Variants in PTPRD observed in about 807,000 individuals in gnomAD.
PTPRD encodes protein tyrosine phosphatase receptor type D, also known as receptor-type tyrosine-protein phosphatase delta.
A neutral mutation model predicts 214.5 loss-of-function variants in PTPRD; 34 were observed. The observed-to-expected ratio is 0.16, with a 90% CI of 0.12 to 0.21. The LOEUF (loss-of-function observed/expected upper bound fraction) is 0.21. Ranked by LOEUF, PTPRD falls within the 10% of genes least tolerant of loss-of-function variation. PTPRD has a pLI of 1.00. For missense variants in PTPRD, 2,545 were observed against 2,398.7 expected (o/e 1.06, Z -1.27); for synonymous variants, 1,128 against 845.7 (o/e 1.33, Z -5.79).
intron 9 of PTPRD, among the ~76,000 whole-genome samples, chr9:9,247,098 C>T (rs2099973392): frequency 6.6e-6 from 1 of 152,034 alleles, no homozygotes; most frequent in Admixed American, 6.6e-5. Flanking sequence ...AAAAATGTCA[C>T]TCTAGCCTTC....
At chr9:9,495,248 C>T (rs2096119918) in intron 8 of PTPRD, among the ~76,000 whole-genome samples, 1 of 149,774 alleles carries the variant, frequency 6.7e-6, no homozygotes, top group Admixed American at 6.7e-5. Context: ...ATGATAGAAA[C>T]AGGCAGCAGA....
intron 11 of PTPRD, among the ~76,000 whole-genome samples, chr9:8,739,739 A>G (rs904360635): frequency 6.6e-6 from 1 of 152,198 alleles, no homozygotes; most frequent in African/African-American, 2.4e-5. Context: ...GTCCCCACCC[A>G]AATCTCATCT....
At chr9:9,978,833 C>T (rs894763293) in intron 4 of PTPRD, among the ~76,000 whole-genome samples, 2 of 151,964 alleles carry the variant, frequency 1.3e-5, no homozygotes, top group Non-Finnish European at 2.9e-5. Flanking sequence ...ACATCTCAGT[C>T]ACACTGATGA....
chr9:9,516,456 G>A (rs1387085012), intron 8 of PTPRD, among the ~76,000 whole-genome samples: 3 of 151,284 alleles, frequency 2.0e-5, no homozygotes, highest in African/African-American at 7.3e-5. Flanking sequence ...CCAACTTCAT[G>A]AGGAATATCA....
intron 5 of PTPRD, among the ~76,000 whole-genome samples, chr9:9,910,236 G>C (rs908386624): frequency 2.0e-5 from 3 of 151,970 alleles, no homozygotes; most frequent in Non-Finnish European, 2.9e-5. Context: ...TTGTATTATT[G>C]TAGAGTTTCA....
Position 10,417,916 on chromosome 9 carries a change from GT to G in PTPRD, c.-599-76900del, listed in dbSNP as rs545791714. On this transcript the variant is annotated intron_variant, in intron 2 of 45. Coordinates refer to ENST00000381196, the MANE Select transcript of PTPRD (RefSeq NM_002839.4). ...GGACTTCATTAAATGAATCTAGATG[GT>G]TTTTTTTTTAAGTTTTAAAACATTT... Among the ~76,000 whole-genome samples, 515 of 146,654 alleles carry G rather than the reference GT, an allele frequency of 3.5e-3. 2 individuals are homozygous for G. The highest frequency in any genetic ancestry group is 9.8e-3 in the African/African-American group (394 of 40,132).
intron 8 of PTPRD, among the ~76,000 whole-genome samples, chr9:9,546,092 T>A (rs1471904959): frequency 6.6e-6 from 1 of 151,838 alleles, no homozygotes; most frequent in African/African-American, 2.4e-5. Flanking sequence ...ACTTGTTTAT[T>A]TCTGGTATAT....
At chr9:9,340,798 A>G (rs898684710) in intron 9 of PTPRD, among the ~76,000 whole-genome samples, 1 of 152,238 alleles carries the variant, frequency 6.6e-6, no homozygotes, top group African/African-American at 2.4e-5. Flanking sequence ...ATTCACTTAA[A>G]AATAAATTTC....
chr9:9,083,124 A>G (rs192678635), intron 10 of PTPRD, among the ~76,000 whole-genome samples: 116 of 152,324 alleles, frequency 7.6e-4, no homozygotes, highest in African/African-American at 2.6e-3. Flanking sequence ...ACAAAGCCGG[A>G]GGCATCACAT....
intron 9 of PTPRD, among the ~76,000 whole-genome samples, chr9:9,385,099 C>A (rs1334687088): frequency 1.3e-5 from 2 of 152,074 alleles, no homozygotes; most frequent in African/African-American, 4.8e-5. Flanking sequence ...GGTCTTCCAA[C>A]ATAATGCCAG....
chr9:8,957,292 G>C (rs1481198372), intron 11 of PTPRD, among the ~76,000 whole-genome samples: 3 of 151,770 alleles, frequency 2.0e-5, no homozygotes, highest in African/African-American at 7.3e-5. Flanking sequence ...TTTTAAAATA[G>C]AGCATTCTAG....
chr9:9,336,098 CT>C, intron 9 of PTPRD, among the ~76,000 whole-genome samples: 1 of 152,054 alleles, frequency 6.6e-6, no homozygotes, highest in African/African-American at 2.4e-5. Context: ...CACACATAAT[CT>C]TTTATTTTCA....
intron 12 of PTPRD, among the ~76,000 whole-genome samples, chr9:8,685,660 C>G (rs2097665141): frequency 1.3e-5 from 2 of 152,030 alleles, no homozygotes; most frequent in Admixed American, 1.3e-4. Flanking sequence ...AATAGTGTAC[C>G]AAACTAACAC....
chr9:9,654,720 A>T (rs1388897826), intron 7 of PTPRD, among the ~76,000 whole-genome samples: 2 of 152,312 alleles, frequency 1.3e-5, no homozygotes, highest in East Asian at 3.9e-4. Context: ...ACAGTGTCAA[A>T]AGCAAGACAT....
intron 2 of PTPRD, among the ~76,000 whole-genome samples, chr9:10,346,510 A>G (rs7045899): frequency 0.47 from 70,887 of 152,074 alleles, 17,451 homozygotes; most frequent in African/African-American, 0.63. Context: ...TTCATGTGCT[A>G]TAGTTTCATA....
At chr9:9,374,119 T>A (rs1227501839) in intron 9 of PTPRD, among the ~76,000 whole-genome samples, 1 of 151,938 alleles carries the variant, frequency 6.6e-6, no homozygotes, top group Non-Finnish European at 1.5e-5. Flanking sequence ...CATCTAAATA[T>A]TAACCTAAAA....
At chr9:9,149,822 T>C (rs1483503570) in intron 10 of PTPRD, among the ~76,000 whole-genome samples, 1 of 152,232 alleles carries the variant, frequency 6.6e-6, no homozygotes, top group Non-Finnish European at 1.5e-5. Context: ...CTGGCTGTAC[T>C]GTTCCTTCAT....
At chr9:9,440,002 A>G (rs1471477417) in intron 8 of PTPRD, among the ~76,000 whole-genome samples, 1 of 152,220 alleles carries the variant, frequency 6.6e-6, no homozygotes, top group African/African-American at 2.4e-5. Flanking sequence ...GTCAAAGTCT[A>G]TACCTCCAGC....
intron 11 of PTPRD, among the ~76,000 whole-genome samples, chr9:8,794,012 G>C (rs1253386957): frequency 6.6e-6 from 1 of 152,106 alleles, no homozygotes; most frequent in Non-Finnish European, 1.5e-5. Context: ...TAGAGTACTA[G>C]GAAACTAAAG....
Sources: allele counts gnomAD v4.1 joint callset (sites outside exome capture counted in the v4.1 genomes callset), GRCh38; gene constraint gnomAD v4.1.1; transcripts MANE v1.5; gene names NCBI Gene and HGNC (gene_info 2026-07-23, HGNC 2026-07-21).